Variants in SORBS2 observed in about 807,000 individuals in gnomAD.
SORBS2 encodes sorbin and SH3 domain containing 2, also known as sorbin and SH3 domain-containing protein 2.
In SORBS2, 46 loss-of-function variants were observed where a neutral mutation model predicts 97.7. The observed-to-expected ratio is 0.47, with a 90% confidence interval of 0.37 to 0.60. The LOEUF is 0.60. SORBS2 is among the 20% of genes least tolerant of loss of function. The probability of loss-of-function intolerance (pLI) is 0.00; values close to 1 mark genes in which losing one functional copy is unlikely to be tolerated. For missense variants in SORBS2, 1,316 were observed against 1,282.3 expected, an observed-to-expected ratio of 1.03 and a Z score of -0.40; for synonymous variants, 476 against 473.4, an observed-to-expected ratio of 1.01 and a Z score of -0.07.
At chr4:185,927,659 C>A (rs556092889) in intron 1 of SORBS2, among the ~76,000 whole-genome samples, 1 of 152,092 alleles carries the variant, frequency 6.6e-6, no homozygotes, top group South Asian at 2.1e-4. Context: ...TATTTAGTTA[C>A]AAAATAAAAG....
intron 1 of SORBS2, among the ~76,000 whole-genome samples, chr4:185,806,641 G>T (rs1410452534): frequency 1.3e-5 from 2 of 151,342 alleles, no homozygotes; most frequent in African/African-American, 4.9e-5. Context: ...GTATTTTTTA[G>T]TAGAGACGGG....
chr4:185,665,800 G>A, intron 4 of SORBS2: 1 of 1,107,836 alleles, frequency 9.0e-7, no homozygotes, highest in Non-Finnish European at 1.1e-6. Context: ...CCAGGTGGGG[G>A]AGGGTGTCTC....
chr4:185,871,364 T>A (rs935235292), intron 1 of SORBS2, among the ~76,000 whole-genome samples: 2 of 152,168 alleles, frequency 1.3e-5, no homozygotes, highest in African/African-American at 4.8e-5. Flanking sequence ...AGATGGATTT[T>A]ACAAATGGAA....
intron 2 of SORBS2, among the ~76,000 whole-genome samples, chr4:185,767,735 G>C (rs767077909): frequency 3.3e-5 from 5 of 152,064 alleles, no homozygotes; most frequent in Non-Finnish European, 5.9e-5. Context: ...AAGTGCTCTC[G>C]TCTTTGTCCT....
chr4:185,668,549 C>T (rs190615954), intron 4 of SORBS2, among the ~76,000 whole-genome samples: 1 of 152,264 alleles, frequency 6.6e-6, no homozygotes, highest in Non-Finnish European at 1.5e-5. Context: ...GACAAGACCC[C>T]AATCTTCACA....
intron 4 of SORBS2, among the ~76,000 whole-genome samples, chr4:185,676,407 A>C (rs1027124989): frequency 1.2e-4 from 18 of 152,204 alleles, no homozygotes; most frequent in Non-Finnish European, 2.2e-4. Context: ...GCTATGAGAG[A>C]ATTCTACACA....
chr4:185,906,766 A>T (rs1579417489), intron 1 of SORBS2, among the ~76,000 whole-genome samples: 1 of 152,330 alleles, frequency 6.6e-6, no homozygotes, highest in East Asian at 1.9e-4. Context: ...CTTTCTTCTA[A>T]TAAATGAATC....
chr4:185,864,297 A>G (rs971160097), intron 1 of SORBS2, among the ~76,000 whole-genome samples: 1 of 152,204 alleles, frequency 6.6e-6, no homozygotes, highest in Non-Finnish European at 1.5e-5. Flanking sequence ...ACAACTAAAC[A>G]TTAGATTCAA....
chr4:185,775,717 C>T (rs762312002), intron 1 of SORBS2: 2 of 152,172 alleles, frequency 1.3e-5, no homozygotes, highest in African/African-American at 2.4e-5. Flanking sequence ...TCACTGAAAA[C>T]GAGATGTCCT....
intron 2 of SORBS2, among the ~76,000 whole-genome samples, chr4:185,754,635 C>A (rs550418865): frequency 6.6e-6 from 1 of 152,326 alleles, no homozygotes; most frequent in East Asian, 1.9e-4. Context: ...TAACCCACAT[C>A]TTCCAAATCC....
intron 1 of SORBS2, among the ~76,000 whole-genome samples, chr4:185,831,163 T>C (rs1371849838): frequency 6.6e-6 from 1 of 152,208 alleles, no homozygotes; most frequent in East Asian, 1.9e-4. Context: ...CATCTAGAAC[T>C]GGGATGATTT....
chr4:185,676,730 T>A (rs1447833276), intron 4 of SORBS2, among the ~76,000 whole-genome samples: 2 of 123,550 alleles, frequency 1.6e-5, no homozygotes, highest in Non-Finnish European at 3.3e-5. Context: ...CCTCAATGAT[T>A]TCCCATAAAC....
In SORBS2 at chr4:185,633,750, T is replaced by C. The variant is rs192485457; in HGVS notation, c.397-3152A>G. ...TTTTTTTTCTGCCACTATCTTACCA[T>C]GTGATTTTGGACTTATTTCTTAAAA... On this transcript the variant is annotated intron_variant, in intron 4 of 14. Coordinates refer to ENST00000418609, the Ensembl canonical transcript of SORBS2. Among the ~76,000 whole-genome samples the C allele has an allele frequency of 2.0e-3, 303 of 151,914 alleles. 2 individuals carry two copies. The highest frequency in any genetic ancestry group is 3.0e-3 in the Non-Finnish European group (204 of 67,888).
intron 1 of SORBS2, among the ~76,000 whole-genome samples, chr4:185,928,132 G>A (rs908528546): frequency 6.6e-6 from 1 of 152,108 alleles, no homozygotes; most frequent in African/African-American, 2.4e-5. Context: ...CTGGCTGGGG[G>A]CAGTGGCTCA....
intron 1 of SORBS2, among the ~76,000 whole-genome samples, chr4:185,834,010 T>C (rs940698044): frequency 4.6e-5 from 7 of 152,228 alleles, no homozygotes; most frequent in Admixed American, 3.3e-4. Context: ...AATTATGACA[T>C]TGGAAATGCC....
intron 1 of SORBS2, among the ~76,000 whole-genome samples, chr4:185,791,955 A>G (rs563880985): frequency 1.2e-4 from 19 of 152,330 alleles, no homozygotes; most frequent in African/African-American, 4.6e-4. Flanking sequence ...TTGAAGATCA[A>G]GTTGGTGATG....
chr4:185,681,401 G>GA (rs35332490), intron 2 of SORBS2, among the ~76,000 whole-genome samples: 4,314 of 138,286 alleles, frequency 0.031, 96 homozygotes, highest in African/African-American at 0.064. Flanking sequence ...ATATAGGTTA[G>GA]AAAAAAAAAA....
rs747733332 is a variant in SORBS2, at chr4:185,898,985, A to AT, written c.-338+57210dup. 8.2e-4 allele frequency among the ~76,000 whole-genome samples: 123 copies of AT among 149,150 alleles called. 1 individual carries two copies. Among genetic ancestry groups the AT allele is most frequent in the Middle Eastern group, 3.5e-3 (1 of 284 alleles). ...CTATCATGCTTTGGTTCAATGAGAG[A>AT]TTTTTTTTTTTAAGCTCATACTTCA... On this transcript the variant is annotated intron_variant, in intron 1 of 20. Coordinates refer to the SORBS2 transcript ENST00000284776.
At chr4:185,756,607 A>T (rs1299901567) in intron 2 of SORBS2, among the ~76,000 whole-genome samples, 1 of 152,032 alleles carries the variant, frequency 6.6e-6, no homozygotes, top group East Asian at 1.9e-4. Flanking sequence ...TACAGGTAAT[A>T]TGTAATATAA....
Sources: allele counts gnomAD v4.1 joint callset (sites outside exome capture counted in the v4.1 genomes callset), GRCh38; gene constraint gnomAD v4.1.1; transcripts MANE v1.5; gene names NCBI Gene and HGNC (gene_info 2026-07-23, HGNC 2026-07-21).